The following CAST variants were observed in gnomAD, a reference collection of about 807,000 sequenced individuals.
The protein encoded by CAST is calpastatin, also known as MIR583 host.
A neutral mutation model predicts 119.6 loss-of-function variants in CAST; 76 were observed. The ratio of observed to expected loss-of-function variants is 0.64; its 90% CI spans 0.53 to 0.77. CAST has a LOEUF of 0.77. CAST is among the 30% of genes least tolerant of loss of function. The pLI is 0.00. For synonymous variants in CAST, 319 were observed against 331.6 expected (o/e 0.96, Z 0.41); for missense variants, 953 against 946.5 (o/e 1.01, Z -0.09).
chr5:96,408,977 C>T, the CAST span, among the ~76,000 whole-genome samples: 5 of 152,158 alleles, frequency 3.3e-5, no homozygotes, highest in African/African-American at 1.2e-4. Context: ...ATAGATTTGT[C>T]CTCGGGCAAG....
intron 1 of CAST, among the ~76,000 whole-genome samples, chr5:96,674,049 G>A (rs900011102): frequency 2.6e-5 from 4 of 152,168 alleles, no homozygotes; most frequent in African/African-American, 9.7e-5. Flanking sequence ...TCAGCCACAG[G>A]TTTGGTATTC....
the CAST span, among the ~76,000 whole-genome samples, chr5:96,041,360 C>A: frequency 1.3e-5 from 2 of 151,984 alleles, no homozygotes; most frequent in Non-Finnish European, 2.9e-5. Flanking sequence ...AGGGGACATC[C>A]AACAAATACT....
chr5:96,001,452 G>A, the CAST span, among the ~76,000 whole-genome samples: 1 of 152,134 alleles, frequency 6.6e-6, no homozygotes, highest in Non-Finnish European at 1.5e-5. Flanking sequence ...TGGGACAGAG[G>A]AATTTCAGCC....
chr5:96,167,128 G>T, the CAST span, among the ~76,000 whole-genome samples: 2 of 152,194 alleles, frequency 1.3e-5, no homozygotes, highest in South Asian at 4.1e-4. Context: ...AGGTATTAAA[G>T]TACTAAGAAT....
chr5:96,202,149 A>T, the CAST span, among the ~76,000 whole-genome samples: 1 of 152,084 alleles, frequency 6.6e-6, no homozygotes, highest in African/African-American at 2.4e-5. Flanking sequence ...TATCAGGCCA[A>T]TTACTTTATC....
intron 2 of CAST, among the ~76,000 whole-genome samples, chr5:96,684,016 T>C (rs1234307860): frequency 6.6e-6 from 1 of 152,214 alleles, no homozygotes; most frequent in East Asian, 1.9e-4. Context: ...CTGCTATTGA[T>C]CTGTGGTTTC....
chr5:96,140,942 T>C, the CAST span, among the ~76,000 whole-genome samples: 1 of 152,226 alleles, frequency 6.6e-6, no homozygotes, highest in Non-Finnish European at 1.5e-5. Flanking sequence ...CTGTGTCTTT[T>C]TGATGTTAGA....
the CAST span, among the ~76,000 whole-genome samples, chr5:96,327,704 T>C: frequency 6.6e-6 from 1 of 152,204 alleles, no homozygotes; most frequent in Admixed American, 6.5e-5. Context: ...TTTAACTGTG[T>C]TGTGCTTCTA....
the CAST span, among the ~76,000 whole-genome samples, chr5:96,222,411 A>C: frequency 6.6e-6 from 1 of 152,102 alleles, no homozygotes; most frequent in Non-Finnish European, 1.5e-5. Flanking sequence ...ACAACACAAC[A>C]ATTAAAAAAG....
At chr5:96,612,072 C>CT (rs1747373278) in intron 1 of CAST, among the ~76,000 whole-genome samples, 2 of 152,124 alleles carry the variant, frequency 1.3e-5, no homozygotes, top group African/African-American at 4.8e-5. Context: ...TACAATTTGA[C>CT]CCAGGAATCC....
At chr5:96,174,455 C>T in the CAST span, among the ~76,000 whole-genome samples, 2 of 152,234 alleles carry the variant, frequency 1.3e-5, no homozygotes, top group Admixed American at 6.5e-5. Context: ...AGGAGGAGTT[C>T]GCCCTCTTGC....
chr5:96,227,573 T>A, the CAST span, among the ~76,000 whole-genome samples: 1 of 152,144 alleles, frequency 6.6e-6, no homozygotes, highest in South Asian at 2.1e-4. Context: ...GAATCCTGGA[T>A]GGAGGAAGTT....
chr5:96,432,956 C>T, the CAST span: 4 of 1,614,236 alleles, frequency 2.5e-6, no homozygotes, highest in Admixed American at 3.3e-5. Flanking sequence ...TGACAAATTG[C>T]CTTTTCGCTT....
chr5:96,506,369 CAATT>C, the CAST span, among the ~76,000 whole-genome samples: 12 of 152,194 alleles, frequency 7.9e-5, no homozygotes, highest in Non-Finnish European at 1.8e-4. Flanking sequence ...CTGATTAAGA[CAATT>C]AAGCTCAAAT....
chr5:96,627,230 C>G (rs1454045293), intron 1 of CAST, among the ~76,000 whole-genome samples: 1 of 152,150 alleles, frequency 6.6e-6, no homozygotes, highest in East Asian at 1.9e-4. Context: ...CCTCTTAGCA[C>G]ACATTTCTTA....
Position 96,746,285 on chromosome 5 carries a change from A to G in CAST, c.1201-57A>G, listed in dbSNP as rs1233559951. On this transcript the variant is annotated intron_variant, in intron 16 of 31. Transcript: ENST00000675179. ...TCGAGAAGTACACAGAGGAAGTGAT[A>G]TCATCTCATTATGTGCATTATCCAA... The G allele has an allele frequency of 5.3e-6, 5 of 940,176 alleles. No homozygotes were observed. In the East Asian group the frequency reaches 9.5e-5, roughly 18 times the overall value. 58.2% of individuals were successfully genotyped at this position (940,176 alleles called of 1,614,324 possible).
chr5:96,351,129 T>TA, the CAST span, among the ~76,000 whole-genome samples: 2 of 152,142 alleles, frequency 1.3e-5, no homozygotes, highest in Non-Finnish European at 2.9e-5. Context: ...AAACAACACT[T>TA]AGACAAAGTG....
chr5:95,966,653 G>A, the CAST span, among the ~76,000 whole-genome samples: 1 of 152,104 alleles, frequency 6.6e-6, no homozygotes, highest in Non-Finnish European at 1.5e-5. Context: ...TCTTAATGGG[G>A]CTGAGTAGAA....
intron 2 of CAST, among the ~76,000 whole-genome samples, chr5:96,683,498 A>G (rs1159913609): frequency 1.3e-5 from 2 of 152,208 alleles, no homozygotes; most frequent in African/African-American, 4.8e-5. Context: ...GAAACCTATG[A>G]AATGGCTTTC....
Sources: gnomAD v4.1 joint callset for allele counts (sites outside exome capture counted in the v4.1 genomes callset) on GRCh38, gnomAD v4.1.1 for gene constraint, MANE v1.5 for transcripts, NCBI Gene and HGNC (gene_info 2026-07-23, HGNC 2026-07-21) for gene names.